Variants in CATSPERB observed in about 807,000 individuals in gnomAD.
The protein encoded by CATSPERB is cation channel sperm-associated auxiliary subunit beta.
Under a neutral mutation model 128.3 loss-of-function variants are expected in CATSPERB, and 93 were observed. The observed-to-expected ratio is 0.72, with a 90% CI of 0.61 to 0.86. The LOEUF (loss-of-function observed/expected upper bound fraction) is 0.86. Ranked by LOEUF, CATSPERB falls within the 40% of genes least tolerant of loss-of-function variation. The probability of loss-of-function intolerance (pLI) is 0.00; values close to 1 mark genes in which losing one functional copy is unlikely to be tolerated. For missense variants in CATSPERB, 1,153 were observed against 1,329.5 expected, an observed-to-expected ratio of 0.87 and a Z score of 2.06; for synonymous variants, 381 against 448.8, an observed-to-expected ratio of 0.85 and a Z score of 1.91.
intron 4 of CATSPERB, among the ~76,000 whole-genome samples, chr14:91,722,107 A>T (rs1595193454): frequency 6.6e-6 from 1 of 152,278 alleles, no homozygotes; most frequent in Non-Finnish European, 1.5e-5. Context: ...AAATAGTACA[A>T]CCACTTTAGA....
At chr14:91,610,252 A>T (rs1440472246) in intron 21 of CATSPERB, among the ~76,000 whole-genome samples, 1 of 152,258 alleles carries the variant, frequency 6.6e-6, no homozygotes, top group Non-Finnish European at 1.5e-5. Flanking sequence ...TATAAAGTGT[A>T]AAATGATAAT....
At chr14:91,648,075 A>G (rs1894636148) in intron 15 of CATSPERB, among the ~76,000 whole-genome samples, 1 of 152,098 alleles carries the variant, frequency 6.6e-6, no homozygotes, top group African/African-American at 2.4e-5. Context: ...TTCACAGCCA[A>G]TCCTTCACAA....
Position 91,639,169 on chromosome 14 carries a change from T to C in CATSPERB, c.1514A>G (p.Lys505Arg). Residue 505 changes from lysine (K) to arginine (R), a missense_variant, in exon 16 of 27, where the codon AAG becomes AGG. Transcript: ENST00000256343. Reference sequence around the variant, plus strand: ...AGCTTCAAAGCGACCCAGAGTCAGCTTATGTAGGAATCCCAAGTGATCATA... The same window carrying C: ...AGCTTCAAAGCGACCCAGAGTCAGCCTATGTAGGAATCCCAAGTGATCATA... ...LYYDHLGFLHKLTLGRFEASG... is the reference protein window; with the variant it reads ...LYYDHLGFLHRLTLGRFEASG... The C allele has an allele frequency of 4.3e-6, 7 of 1,614,052 alleles. No individual in the cohort carries two copies. The highest frequency in any genetic ancestry group is 5.9e-6 in the Non-Finnish European group (7 of 1,179,956).
intron 15 of CATSPERB, among the ~76,000 whole-genome samples, chr14:91,659,539 G>A (rs975555616): frequency 1.3e-5 from 2 of 152,198 alleles, no homozygotes; most frequent in African/African-American, 4.8e-5. Flanking sequence ...AATATCAGAT[G>A]AGATGATATT....
At chr14:91,694,210 C>T (rs745372317) in intron 7 of CATSPERB, among the ~76,000 whole-genome samples, 2 of 151,806 alleles carry the variant, frequency 1.3e-5, no homozygotes, top group Non-Finnish European at 2.9e-5. Flanking sequence ...TTTGAGAGGC[C>T]AAGGCAGGAG....
chr14:91,629,581 G>T (rs1894234995), intron 17 of CATSPERB, among the ~76,000 whole-genome samples: 6 of 152,236 alleles, frequency 3.9e-5, no homozygotes, highest in Admixed American at 3.9e-4. Context: ...CCACTTTGGT[G>T]TGGGATGTGG....
chr14:91,647,247 G>A (rs1390042120), intron 15 of CATSPERB, among the ~76,000 whole-genome samples: 1 of 152,186 alleles, frequency 6.6e-6, no homozygotes, highest in East Asian at 1.9e-4. Flanking sequence ...GTGTGAGTGT[G>A]TATGGATTTA....
intron 5 of CATSPERB, 47 bp downstream of exon 5, chr14:91,719,371 A>G: frequency 7.7e-7 from 1 of 1,303,428 alleles, no homozygotes; most frequent in Non-Finnish European, 1.1e-6. Context: ...TTTTTATTTG[A>G]TAAATCCAGA....
intron 14 of CATSPERB, among the ~76,000 whole-genome samples, chr14:91,663,889 G>T (rs1169058475): frequency 6.6e-6 from 1 of 152,048 alleles, no homozygotes; most frequent in African/African-American, 2.4e-5. Context: ...CCCCGCACAT[G>T]CATAGTCTCC....
At chr14:91,668,800 C>G (rs957136562) in intron 14 of CATSPERB, among the ~76,000 whole-genome samples, 3 of 152,134 alleles carry the variant, frequency 2.0e-5, no homozygotes, top group Non-Finnish European at 4.4e-5. Flanking sequence ...CTGAAGTCAG[C>G]GAGACCACGC....
intron 11 of CATSPERB, among the ~76,000 whole-genome samples, chr14:91,674,930 T>C (rs1240074910): frequency 6.6e-6 from 1 of 152,074 alleles, no homozygotes; most frequent in Non-Finnish European, 1.5e-5. Context: ...CCTTCTAAAC[T>C]CCTCTCCCCA....
chr14:91,609,400 T>C (rs1298682806), intron 21 of CATSPERB, among the ~76,000 whole-genome samples: 2 of 152,220 alleles, frequency 1.3e-5, no homozygotes, highest in African/African-American at 2.4e-5. Context: ...GAATAGCCTC[T>C]CAGGGCATTT....
rs558674632 is a variant in CATSPERB, at chr14:91,682,343, G to C, written c.931+1534C>G. On this transcript the variant is annotated intron_variant, in intron 11 of 26. Coordinates refer to ENST00000256343, the MANE Select transcript of CATSPERB (RefSeq NM_024764.4). Reference sequence around the variant, plus strand: ...ATGCTGTACACAGTGGTGTCAGATGGCTGACAGAGGTACAAATACAGGTAA... The same window carrying C: ...ATGCTGTACACAGTGGTGTCAGATGCCTGACAGAGGTACAAATACAGGTAA... Among the ~76,000 whole-genome samples, 33 of 152,278 alleles carry C rather than the reference G, an allele frequency of 2.2e-4. 1 individual carries two copies. The highest frequency in any genetic ancestry group is 7.7e-4 in the African/African-American group (32 of 41,554).
In CATSPERB at chr14:91,589,819, A is replaced by G. The variant is rs528567671; in HGVS notation, c.2821-150T>C. The G allele has an allele frequency of 7.6e-5, 52 of 686,538 alleles. 1 individual carries two copies. The South Asian group carries it at 1.0e-3, about 13-fold the overall frequency. 42.5% of individuals were successfully genotyped at this position (686,538 alleles called of 1,614,324 possible). A position where few individuals can be genotyped will look rare whatever the true frequency, so the allele number is the denominator to read the frequency against. Reference sequence around the variant, plus strand: ...GGTTTCTGCCTTTTCAGTCATGAAAATGTCTTAGAGCAGAATCAATGTGAA... The same window carrying G: ...GGTTTCTGCCTTTTCAGTCATGAAAGTGTCTTAGAGCAGAATCAATGTGAA... On this transcript the variant is annotated intron_variant, in intron 23 of 26. Coordinates refer to ENST00000256343, the MANE Select transcript of CATSPERB (RefSeq NM_024764.4).
chr14:91,598,699 A>T (rs987585531), intron 22 of CATSPERB, among the ~76,000 whole-genome samples: 1 of 152,010 alleles, frequency 6.6e-6, no homozygotes, highest in Non-Finnish European at 1.5e-5. Context: ...TCTACTAAAA[A>T]TACAAAAAAT....
rs559172663 is a variant in CATSPERB at position 91,675,174 on chromosome 14, C to T, written c.932-952G>A. On this transcript the variant is annotated intron_variant, in intron 11 of 26. Coordinates refer to ENST00000256343, the MANE Select transcript of CATSPERB (RefSeq NM_024764.4). ...GTTTGCAACGAGTGGGGCAATTGGC[C>T]GCAGCAGTGTGTCAGGGCTTTCCTA... 1.8e-4 allele frequency among the ~76,000 whole-genome samples: 28 copies of T among 152,272 alleles called. 1 individual carries two copies. In the South Asian group the frequency reaches 5.2e-3, roughly 28 times the overall value.
rs200471176 is a variant in CATSPERB, at chr14:91,673,246, G to A, written c.979-230C>T. ...TTTAGGAAATCGACCCTTAGGCAAGGAACTGAAACTCAACGGATCACTGCA... is the reference window on the plus strand; with the variant it reads ...TTTAGGAAATCGACCCTTAGGCAAGAAACTGAAACTCAACGGATCACTGCA... On this transcript the variant is annotated intron_variant, in intron 12 of 26. Transcript: ENST00000256343. 2.1e-5 allele frequency among the ~76,000 whole-genome samples: 2 copies of A among 95,576 alleles called. No individual in the cohort carries two copies. The highest frequency in any genetic ancestry group is 3.2e-4 in the South Asian group (1 of 3,156). The allele number at this position is 95,576 out of a possible 152,430, so 62.7% of individuals were successfully genotyped here.
intron 11 of CATSPERB, 91 bp from the exon 12 acceptor site, chr14:91,674,313 A>G (rs1895153518): frequency 1.3e-6 from 1 of 744,166 alleles, no homozygotes; most frequent in Non-Finnish European, 2.3e-6. Context: ...CATGAAAATC[A>G]TAGAAATTAT....
intron 22 of CATSPERB, among the ~76,000 whole-genome samples, chr14:91,598,766 G>A (rs1893555371): frequency 6.6e-6 from 1 of 151,298 alleles, no homozygotes; most frequent in Non-Finnish European, 1.5e-5. Context: ...GCTGAGGCAG[G>A]GGAATGGCGT....
Sources: gnomAD v4.1 joint callset for allele counts (sites outside exome capture counted in the v4.1 genomes callset) on GRCh38, gnomAD v4.1.1 for gene constraint, MANE v1.5 for transcripts, NCBI Gene and HGNC (gene_info 2026-07-23, HGNC 2026-07-21) for gene names.